Variants in ODC1 observed in about 807,000 individuals in gnomAD.
ODC1 encodes ornithine decarboxylase 1, also known as ornithine decarboxylase.
Under a neutral mutation model 41.5 loss-of-function variants are expected in ODC1, and 18 were observed. The ratio of observed to expected loss-of-function variants is 0.43; its 90% CI spans 0.30 to 0.64. The LOEUF is 0.64. ODC1 is among the 30% of genes least tolerant of loss of function. ODC1 has a pLI of 0.11. For missense variants in ODC1, 504 were observed against 589.0 expected, an observed-to-expected ratio of 0.86 and a Z score of 1.49; for synonymous variants, 218 against 211.6, an observed-to-expected ratio of 1.03 and a Z score of -0.26.
intron 8 of ODC1, 90 bp from the exon 9 acceptor site, chr2:10,442,264 T>C: frequency 2.3e-6 from 3 of 1,308,178 alleles, no homozygotes; most frequent in Non-Finnish European, 3.2e-6. Context: ...TGACATGACA[T>C]CATGAGACCA....
intron 11 of ODC1, among the ~76,000 whole-genome samples, chr2:10,441,205 C>T (rs1243398142): frequency 6.6e-6 from 1 of 152,138 alleles, no homozygotes; most frequent in Non-Finnish European, 1.5e-5. Flanking sequence ...GCCTTGGCCT[C>T]CCAATGTGTT....
chr2:10,441,925 T>G lies in ODC1; in HGVS notation c.918A>C (p.Glu306Asp). The G allele has an allele frequency of 6.2e-7, 1 of 1,614,084 alleles. No homozygotes were observed. Among genetic ancestry groups the G allele is most frequent in the Non-Finnish European group, 8.5e-7 (1 of 1,179,954 alleles). Residue 306 changes from glutamate to aspartate, a missense_variant, in exon 10 of 12, where the codon GAA (glutamate) becomes GAC (aspartate). Around this residue, in one of 3 missense-constraint regions of ODC1, gnomAD observed 447 missense variants for 524.4 expected, o/e 0.85. Transcript: ENST00000234111. ...TAAAGGTCTGCTCACTCGACTCATC[T>G]TCGTCTAGAAAGGCAGATCAACAAT... Reference protein sequence around the residue: ...VLKEQTGSDDEDESSEQTFMY... With the variant: ...VLKEQTGSDDDDESSEQTFMY...
intron 8 of ODC1, 106 bp downstream of exon 8, chr2:10,443,124 C>A: frequency 1.2e-6 from 1 of 828,396 alleles, no homozygotes; most frequent in Non-Finnish European, 2.0e-6. Flanking sequence ...CACACCAAGA[C>A]ACTTCAGCCC....
intron 11 of ODC1, 89 bp downstream of exon 11, chr2:10,441,420 A>C (rs1368445484): frequency 2.2e-6 from 3 of 1,343,280 alleles, no homozygotes; most frequent in Non-Finnish European, 3.1e-6. Context: ...ATCTTAGGCA[A>C]GACAATTTCT....
intron 1 of ODC1, chr2:10,447,327 C>T (rs1358928199): frequency 6.6e-6 from 1 of 152,204 alleles, no homozygotes; most frequent in Admixed American, 6.5e-5. Context: ...TTTCACAAAT[C>T]AATTAAAGTC....
intron 8 of ODC1, 77 bp from the exon 9 acceptor site, chr2:10,442,251 T>C: frequency 7.1e-7 from 1 of 1,414,514 alleles, no homozygotes; most frequent in African/African-American, 1.4e-5. Flanking sequence ...TCACAGGGCC[T>C]TGTGACATGA....
intron 8 of ODC1, among the ~76,000 whole-genome samples, 196 bp downstream of exon 8, chr2:10,443,034 G>A (rs1405948): frequency 0.1 from 15,386 of 152,106 alleles, 927 homozygotes; most frequent in East Asian, 0.21. Flanking sequence ...CAAGACTTCT[G>A]GGAAAGCTGA....
In ODC1 at chr2:10,442,176, T is replaced by G; in HGVS notation, c.751-2A>C. 6.3e-7 allele frequency: 1 copy of G among 1,593,146 alleles called. No homozygotes were observed. Among genetic ancestry groups the G allele is most frequent in the Non-Finnish European group, 8.5e-7 (1 of 1,171,398 alleles). Reference sequence around the variant, plus strand: ...CGCTGGGTTGATTACGCCGGTGATCTAAGAGAGTGAAACAGAAAAGAAAGA... The same window carrying G: ...CGCTGGGTTGATTACGCCGGTGATCGAAGAGAGTGAAACAGAAAAGAAAGA... On this transcript the variant is annotated splice_acceptor_variant, in intron 8 of 11. Transcript: ENST00000234111. LOFTEE classifies it high-confidence loss of function.
At chr2:10,447,889 C>G (rs2148074278) in intron 1 of ODC1, 1 of 152,302 alleles carries the variant, frequency 6.6e-6, no homozygotes, top group African/African-American at 2.4e-5. Context: ...CCCTCCAGCC[C>G]CGAGCTGTGA....
chr2:10,443,648 T>C (rs1671910119), intron 6 of ODC1, 54 bp downstream of exon 6: 2 of 1,607,310 alleles, frequency 1.2e-6, no homozygotes, highest in Middle Eastern at 1.7e-4. Flanking sequence ...AGAAAGCCTG[T>C]AAAACTCAAA....
rs375952999 is a variant in ODC1, at chr2:10,442,152, G to A, written c.773C>T (p.Ala258Val). ...GTCTGACGGAAAGTATTTGTCCAAC[G>A]CTGGGTTGATTACGCCGGTGATCTA... ...FEEITGVINP[A>V]LDKYFPSDSG... Residue 258 changes from alanine to valine, a missense_variant, in exon 9 of 12, where the codon GCG (alanine) becomes GTG (valine). By Grantham distance (64) the Ala-to-Val change is moderately conservative. This residue lies in a region of ODC1 where 447 missense variants were observed against 524.4 expected (regional missense o/e 0.85). Transcript: ENST00000234111. 72 of 1,608,240 alleles carry A rather than the reference G, an allele frequency of 4.5e-5. No individual in the cohort carries two copies. The highest frequency in any genetic ancestry group is 1.7e-4 in the Middle Eastern group (1 of 6,038).
At chr2:10,447,685 T>C (rs952121853) in intron 1 of ODC1, 49 of 152,376 alleles carry the variant, frequency 3.2e-4, no homozygotes, top group African/African-American at 1.1e-3. Flanking sequence ...AAATAAAAAC[T>C]GGAAGGAAAC....
rs374437813 is a variant in ODC1 at position 10,441,482 on chromosome 2, C to G, written c.1241+27G>C. ...CCAAGAAGGTGCCTATTCTTGGCAG[C>G]ACCATCAACATGCATGGCTTACTTA... On this transcript the variant is annotated intron_variant, in intron 11 of 11. Transcript: ENST00000234111. The G allele has an allele frequency of 4.4e-5, 70 of 1,606,396 alleles. No homozygotes were observed. In the African/African-American group the frequency reaches 8.6e-4, roughly 20 times the overall value.
Position 10,444,489 on chromosome 2 carries a change from A to G in ODC1, c.261T>C (p.Phe87=), listed in dbSNP as rs1251145310. 6.2e-7 allele frequency: 1 copy of G among 1,612,546 alleles called. No individual in the cohort carries two copies. Among genetic ancestry groups the G allele is most frequent in the Admixed American group, 1.7e-5 (1 of 59,862 alleles). The part of the protein sequence containing the change: ...VKTLAATGTG[F]DCASKTEIQL... ...TATCGCTTACCTTGCTAGCACAGTCAAATCCTGTCCCGGTAGCAGCAAGGG... is the reference window on the plus strand; with the variant it reads ...TATCGCTTACCTTGCTAGCACAGTCGAATCCTGTCCCGGTAGCAGCAAGGG... Residue 87 remains phenylalanine, a synonymous_variant, in exon 4 of 12, where the codon TTT becomes TTC. Transcript: ENST00000234111.
At chr2:10,446,811 G>T in intron 1 of ODC1, 1 of 361,694 alleles carries the variant, frequency 2.8e-6, no homozygotes, top group Admixed American at 3.9e-5. Context: ...ACTATGACAG[G>T]CCCAGGGTGA....
Position 10,444,213 on chromosome 2 carries a change from CATAG to C in ODC1, c.327_330del (p.Ile109MetfsTer21). ...TGAGATACTTGTTTACAAGGATTTG[CATAG>C]ATAATCCTCTCTGGAGGCACCCCCA... On this transcript the variant is annotated frameshift_variant, in exon 5 of 12. Coordinates refer to ENST00000234111, the MANE Select transcript of ODC1 (RefSeq NM_002539.3). LOFTEE classifies it high-confidence loss of function. The C allele has an allele frequency of 6.2e-7, 1 of 1,612,430 alleles. No homozygotes were observed. Among genetic ancestry groups the C allele is most frequent in the Non-Finnish European group, 8.5e-7 (1 of 1,179,542 alleles).
At chr2:10,444,070 G>T in intron 5 of ODC1, 25 bp downstream of exon 5, 1 of 1,558,624 alleles carries the variant, frequency 6.4e-7, no homozygotes, top group Non-Finnish European at 8.7e-7. Flanking sequence ...TCCCGATCTT[G>T]CCCTCAGATG....
chr2:10,446,723 A>T (rs1572148139), intron 1 of ODC1: 2 of 467,456 alleles, frequency 4.3e-6, no homozygotes, highest in African/African-American at 4.2e-5. Context: ...CCACTGTGCA[A>T]CCCACTTCAG....
Position 10,442,087 on chromosome 2 carries a change from C to G in ODC1, c.838G>C (p.Val280Leu). ...RIIAEPGRYY[V>L]ASAFTLAVNI... ...ACTGCAAGCGTGAAAGCTGATGCAA[C>G]ATAGTATCTGCCGGGCTCAGCTATG... is the stretch of plus-strand genomic sequence containing the variant. Residue 280 changes from valine (V) to leucine (L), a missense_variant, in exon 9 of 12, where the codon GTT (valine) becomes CTT (leucine). Transcript: ENST00000234111. The G allele has an allele frequency of 6.2e-7, 1 of 1,614,144 alleles. No individual in the cohort carries two copies.
Sources: gnomAD v4.1 joint callset for allele counts (sites outside exome capture counted in the v4.1 genomes callset) on GRCh38, gnomAD v4.1.1 for gene constraint, gnomAD v4.1.1 regional missense constraint, MANE v1.5 for transcripts, NCBI Gene and HGNC (gene_info 2026-07-23, HGNC 2026-07-21) for gene names.